SEMA3A: variants seen among roughly 807,000 people sequenced by gnomAD.
SEMA3A encodes the protein semaphorin 3A, also known as semaphorin-3A.
Under a neutral mutation model 97.9 loss-of-function variants are expected in SEMA3A, and 29 were observed. That is an observed-to-expected ratio of 0.30 (90% CI 0.22 to 0.40). The LOEUF is 0.40. Ranked by LOEUF, SEMA3A falls within the 10% of genes least tolerant of loss-of-function variation. The pLI is 1.00. For missense variants in SEMA3A, 763 were observed against 951.3 expected, an observed-to-expected ratio of 0.80 and a Z score of 2.60; for synonymous variants, 321 against 323.7, an observed-to-expected ratio of 0.99 and a Z score of 0.09.
intron 1 of SEMA3A, among the ~76,000 whole-genome samples, chr7:84,424,107 G>T (rs1441030483): frequency 6.6e-6 from 1 of 151,280 alleles, no homozygotes; most frequent in East Asian, 1.9e-4. Context: ...ACTAAAAGTA[G>T]ACCTACCATT....
At chr7:84,480,586 CAGA>C (rs1160365843) in intron 1 of SEMA3A, among the ~76,000 whole-genome samples, 1 of 152,124 alleles carries the variant, frequency 6.6e-6, no homozygotes, top group African/African-American at 2.4e-5. Flanking sequence ...TTGGCCTGAG[CAGA>C]AGATTAGAGC....
chr7:83,997,260 A>G (rs1790258954), intron 12 of SEMA3A, among the ~76,000 whole-genome samples: 1 of 152,196 alleles, frequency 6.6e-6, no homozygotes, highest in South Asian at 2.1e-4. Context: ...TTACCTTGTC[A>G]AACTATCCCT....
intron 1 of SEMA3A, among the ~76,000 whole-genome samples, chr7:84,438,638 C>A (rs867072115): frequency 6.6e-6 from 1 of 151,926 alleles, no homozygotes; most frequent in Non-Finnish European, 1.5e-5. Flanking sequence ...ACTTGAAAAG[C>A]AAGAACATTT....
chr7:83,994,853 A>G lies in SEMA3A; in HGVS notation c.1452+7102T>C, dbSNP rs550255579. ...CTGTGGTGGGCTCCACCCAGTTGGA[A>G]CTTCCCGGCTGCTTTGTTTACCTAA... is the stretch of plus-strand genomic sequence containing the variant. On this transcript the variant is annotated intron_variant, in intron 12 of 16. Transcript: ENST00000265362. 4.2e-3 allele frequency among the ~76,000 whole-genome samples: 638 copies of G among 152,078 alleles called. 4 individuals are homozygous for G. Among genetic ancestry groups the G allele is most frequent in the African/African-American group, 0.014 (567 of 41,498 alleles).
At chr7:84,001,614 C>CAGTT (rs1181083007) in intron 12 of SEMA3A, among the ~76,000 whole-genome samples, 3 of 151,992 alleles carry the variant, frequency 2.0e-5, no homozygotes, top group African/African-American at 7.3e-5. Flanking sequence ...CATATCATTT[C>CAGTT]AGTTATACTA....
chr7:84,230,812 A>G (rs149607992), intron 3 of SEMA3A, among the ~76,000 whole-genome samples: 86 of 152,080 alleles, frequency 5.7e-4, no homozygotes, highest in Non-Finnish European at 1.1e-3. Context: ...CAATGTTTTT[A>G]ATGCCTTCTC....
intron 5 of SEMA3A, 87 bp downstream of exon 5, chr7:84,060,378 T>C (rs1209711513): frequency 6.3e-6 from 5 of 799,326 alleles, no homozygotes; most frequent in Non-Finnish European, 1.0e-5. Context: ...TATTTCATAA[T>C]GGAAAATCTT....
chr7:84,098,189 A>C (rs1368191457), intron 4 of SEMA3A, among the ~76,000 whole-genome samples: 1 of 152,082 alleles, frequency 6.6e-6, no homozygotes, highest in Non-Finnish European at 1.5e-5. Flanking sequence ...ATATTACATG[A>C]TCATAATATT....
intron 15 of SEMA3A, among the ~76,000 whole-genome samples, chr7:83,964,461 A>G (rs1788593696): frequency 6.6e-6 from 1 of 152,102 alleles, no homozygotes; most frequent in African/African-American, 2.4e-5. Context: ...TCAACTGAAT[A>G]CCTTTGACTG....
At position 84,424,316 on chromosome 7, in the gene SEMA3A, C is replaced by T. The variant is rs11976250; in HGVS notation, c.-245-52416G>A. On this transcript the variant is annotated intron_variant, in intron 1 of 3. Coordinates refer to the SEMA3A transcript ENST00000424555. ...AATGTATAATATATTGATATAAATA[C>T]ATTCTATATAATATGATATACAATA... Among the ~76,000 whole-genome samples the T allele has an allele frequency of 3.0e-3, 417 of 141,044 alleles. 1 individual carries two copies. Among genetic ancestry groups the T allele is most frequent in the African/African-American group, 0.01 (400 of 38,438 alleles). 92.5% of individuals were successfully genotyped at this position (141,044 alleles called of 152,430 possible). A position where few individuals can be genotyped will look rare whatever the true frequency, so the allele number is the denominator to read the frequency against.
intron 5 of SEMA3A, 79 bp downstream of exon 5, chr7:84,060,386 C>T (rs1250443412): frequency 1.2e-6 from 1 of 842,112 alleles, no homozygotes; most frequent in African/African-American, 1.8e-5. Context: ...AATGGAAAAT[C>T]TTGGTAGATA....
chr7:83,969,093 G>T (rs1039855253), intron 15 of SEMA3A, among the ~76,000 whole-genome samples: 1 of 152,076 alleles, frequency 6.6e-6, no homozygotes, highest in African/African-American at 2.4e-5. Context: ...TTACAGGCAT[G>T]AGCCACTGCA....
At chr7:84,403,532 G>C (rs1431734341) in intron 1 of SEMA3A, among the ~76,000 whole-genome samples, 1 of 152,198 alleles carries the variant, frequency 6.6e-6, no homozygotes, top group African/African-American at 2.4e-5. Flanking sequence ...CTGTCTGACA[G>C]CTTTGAAGAG....
At chr7:84,370,010 A>G (rs1802938011) in intron 2 of SEMA3A, among the ~76,000 whole-genome samples, 1 of 151,338 alleles carries the variant, frequency 6.6e-6, no homozygotes, top group African/African-American at 2.4e-5. Context: ...GCAAAAACAA[A>G]GGTAAGGATG....
intron 1 of SEMA3A, among the ~76,000 whole-genome samples, chr7:84,183,450 T>C (rs986930680): frequency 3.3e-5 from 5 of 152,026 alleles, no homozygotes; most frequent in Non-Finnish European, 7.4e-5. Flanking sequence ...AATATATTTT[T>C]AATCTGAATA....
chr7:84,110,425 G>C, intron 4 of SEMA3A, 45 bp downstream of exon 4: 1 of 1,606,508 alleles, frequency 6.2e-7, no homozygotes, highest in Non-Finnish European at 8.5e-7. Flanking sequence ...ATTTTGAATA[G>C]AAAGGGGTCA....
intron 9 of SEMA3A, among the ~76,000 whole-genome samples, chr7:84,008,490 CAA>C (rs752729583): frequency 9.9e-5 from 8 of 81,150 alleles, no homozygotes; most frequent in Non-Finnish European, 1.1e-4. Context: ...GACTCCGTCT[CAA>C]AAAAAAAAAA....
chr7:83,983,109 A>G (rs1789482412), intron 13 of SEMA3A, among the ~76,000 whole-genome samples: 1 of 152,116 alleles, frequency 6.6e-6, no homozygotes. Context: ...GCTATAAACC[A>G]GGACAAATTA....
chr7:84,186,792 G>A (rs1797900891), intron 1 of SEMA3A, among the ~76,000 whole-genome samples: 1 of 151,282 alleles, frequency 6.6e-6, no homozygotes, highest in Non-Finnish European at 1.5e-5. Flanking sequence ...AACATTGTAA[G>A]TTCATTTTAT....
Sources: allele counts gnomAD v4.1 joint callset (sites outside exome capture counted in the v4.1 genomes callset), GRCh38; gene constraint gnomAD v4.1.1; transcripts MANE v1.5; gene names NCBI Gene and HGNC (gene_info 2026-07-23, HGNC 2026-07-21).